UNC13A: variants seen among roughly 807,000 people sequenced by gnomAD.
UNC13A encodes unc-13 homolog A, also known as protein unc-13 homolog A.
Under a neutral mutation model 219.7 loss-of-function variants are expected in UNC13A, and 61 were observed. The ratio of observed to expected loss-of-function variants is 0.28; its 90% CI spans 0.23 to 0.34. The LOEUF (loss-of-function observed/expected upper bound fraction) is 0.34. Ranked by LOEUF, UNC13A falls within the 10% of genes least tolerant of loss-of-function variation. The probability of loss-of-function intolerance (pLI) is 1.00; values close to 1 mark genes in which losing one functional copy is unlikely to be tolerated. For missense variants in UNC13A, 1,476 were observed against 2,270.3 expected (o/e 0.65, Z 7.11); for synonymous variants, 920 against 884.6 (o/e 1.04, Z -0.71).
In UNC13A at chr19:17,639,423, G is replaced by T. The variant is rs1568518571; in HGVS notation, c.2946+13C>A. On this transcript the variant is annotated intron_variant, in intron 24 of 43. Coordinates refer to ENST00000519716, the MANE Select transcript of UNC13A (RefSeq NM_001080421.3). ...CCTCCTTGGAGAGCAAAGGCAACTGGATCCTTTCCTACCTTCATCCGAAAG... is the reference window on the plus strand; with the variant it reads ...CCTCCTTGGAGAGCAAAGGCAACTGTATCCTTTCCTACCTTCATCCGAAAG... 6.2e-7 allele frequency: 1 copy of T among 1,609,792 alleles called. No homozygotes were observed. The highest frequency in any genetic ancestry group is 1.3e-5 in the African/African-American group (1 of 75,004).
chr19:17,633,743 A>G (rs2076882408), intron 26 of UNC13A, among the ~76,000 whole-genome samples: 1 of 151,396 alleles, frequency 6.6e-6, no homozygotes, highest in African/African-American at 2.4e-5. Context: ...TTATCCATCC[A>G]TCCCTCCATC....
At chr19:17,686,308 C>CA (rs2080109691) in intron 1 of UNC13A, among the ~76,000 whole-genome samples, 1 of 52,170 alleles carries the variant, frequency 1.9e-5, no homozygotes, top group Non-Finnish European at 3.8e-5. Context: ...GCCCCCCCCC[C>CA]CCCCCCCCCA....
chr19:17,676,564 A>G (rs1395802512), intron 1 of UNC13A, among the ~76,000 whole-genome samples: 1 of 152,158 alleles, frequency 6.6e-6, no homozygotes, highest in Non-Finnish European at 1.5e-5. Flanking sequence ...GGATAAAGAC[A>G]ATCTCTGATG....
intron 11 of UNC13A, among the ~76,000 whole-genome samples, 164 bp from the exon 12 acceptor site, chr19:17,652,841 A>T (rs1480940400): frequency 6.6e-6 from 1 of 151,952 alleles, no homozygotes; most frequent in Non-Finnish European, 1.5e-5. Flanking sequence ...TCTGGGCCTT[A>T]GTTTGTCCAT....
chr19:17,684,678 C>T (rs1028264296), intron 1 of UNC13A, among the ~76,000 whole-genome samples: 18 of 152,208 alleles, frequency 1.2e-4, no homozygotes, highest in African/African-American at 4.3e-4. Context: ...TACACAAGAG[C>T]TTGCATTTGC....
chr19:17,662,002 G>A (rs1406756678), intron 8 of UNC13A, among the ~76,000 whole-genome samples: 1 of 152,132 alleles, frequency 6.6e-6, no homozygotes, highest in Non-Finnish European at 1.5e-5. Flanking sequence ...AGCCCTTTGG[G>A]AGGCCAAGGC....
chr19:17,631,861 C>A (rs1162130523), intron 28 of UNC13A, among the ~76,000 whole-genome samples: 2 of 152,242 alleles, frequency 1.3e-5, no homozygotes, highest in Admixed American at 1.3e-4. Flanking sequence ...CCTCCTGCTT[C>A]GGCCTCCCGA....
chr19:17,648,343 T>A (rs2145069467), intron 16 of UNC13A, 88 bp downstream of exon 16: 132 of 209,654 alleles, frequency 6.3e-4, no homozygotes, highest in Non-Finnish European at 9.0e-4. Context: ...GCCCCACCCA[T>A]CGCCTTGCCC....
intron 7 of UNC13A, among the ~76,000 whole-genome samples, chr19:17,664,815 C>A (rs11880304): frequency 0.018 from 2,794 of 152,256 alleles, 95 homozygotes; most frequent in African/African-American, 0.064. Flanking sequence ...CTCCTCAACC[C>A]CGGTTCCATT....
intron 1 of UNC13A, among the ~76,000 whole-genome samples, chr19:17,684,057 C>G (rs1172937377): frequency 6.6e-6 from 1 of 152,222 alleles, no homozygotes; most frequent in Non-Finnish European, 1.5e-5. Context: ...GATCATGCCA[C>G]TGCACTGCAG....
At chr19:17,662,974 G>C in intron 8 of UNC13A, among the ~76,000 whole-genome samples, 1 of 151,866 alleles carries the variant, frequency 6.6e-6, no homozygotes, top group Non-Finnish European at 1.5e-5. Context: ...GGGAGGGGGT[G>C]GCTTGCCTTA....
chr19:17,679,491 G>A (rs1321255685), intron 1 of UNC13A, among the ~76,000 whole-genome samples: 4 of 151,546 alleles, frequency 2.6e-5, no homozygotes, highest in Non-Finnish European at 5.9e-5. Flanking sequence ...ACACTGGGGA[G>A]AGGAGAGGCA....
chr19:17,669,227 T>A (rs2145900347), intron 5 of UNC13A, among the ~76,000 whole-genome samples: 1 of 152,264 alleles, frequency 6.6e-6, no homozygotes, highest in East Asian at 1.9e-4. Context: ...TCTCTGTCTG[T>A]CTCTCCTCCT....
chr19:17,675,887 T>A (rs2079888469), intron 2 of UNC13A, 125 bp downstream of exon 2: 1 of 1,278,750 alleles, frequency 7.8e-7, no homozygotes, highest in South Asian at 1.3e-5. Flanking sequence ...TTCTGACCCC[T>A]CTCCTGATGC....
rs1000311931 is a variant in UNC13A at position 17,601,817 on chromosome 19, T to C, written c.*4237A>G. Reference sequence around the variant, plus strand: ...TCAACTTGATTTTTCTCTGAAACAATAAAAGGCAAAGAGAAAAGCAACACG... The same window carrying C: ...TCAACTTGATTTTTCTCTGAAACAACAAAAGGCAAAGAGAAAAGCAACACG... On this transcript the variant is annotated 3_prime_UTR_variant, in exon 44 of 44. Transcript: ENST00000519716. 2.0e-5 allele frequency: 3 copies of C among 152,404 alleles called. No individual in the cohort carries two copies. Among genetic ancestry groups the C allele is most frequent in the Non-Finnish European group, 4.4e-5 (3 of 68,010 alleles). 9.4% of individuals were successfully genotyped at this position (152,404 alleles called of 1,614,324 possible).
At chr19:17,613,542 C>A (rs543402505) in intron 41 of UNC13A, among the ~76,000 whole-genome samples, 1 of 152,100 alleles carries the variant, frequency 6.6e-6, no homozygotes, top group Admixed American at 6.6e-5. Context: ...CCTCTCCCCA[C>A]TCACCCCATT....
chr19:17,610,968 G>A (rs1000973324), intron 42 of UNC13A, among the ~76,000 whole-genome samples: 3 of 152,108 alleles, frequency 2.0e-5, no homozygotes, highest in East Asian at 3.9e-4. Flanking sequence ...AGGAGTTTGA[G>A]GCTGCAGTGT....
intron 34 of UNC13A, chr19:17,626,373 C>T (rs1464987709): frequency 2.5e-4 from 108 of 430,800 alleles, no homozygotes; most frequent in Admixed American, 2.8e-4. Flanking sequence ...TTAATCCATG[C>T]GTCCACCCAC....
chr19:17,660,092 G>A (rs2079525419), intron 8 of UNC13A, among the ~76,000 whole-genome samples: 1 of 152,024 alleles, frequency 6.6e-6, no homozygotes, highest in South Asian at 2.1e-4. Flanking sequence ...TGTAGAGATG[G>A]GATCTCCCTA....
Sources: gnomAD v4.1 joint callset for allele counts (sites outside exome capture counted in the v4.1 genomes callset) on GRCh38, gnomAD v4.1.1 for gene constraint, MANE v1.5 for transcripts, NCBI Gene and HGNC (gene_info 2026-07-23, HGNC 2026-07-21) for gene names.